The following IQSEC1 variants were observed in gnomAD, a reference collection of about 807,000 sequenced individuals.
IQSEC1 encodes the protein IQ motif and SEC7 domain-containing protein 1.
A neutral mutation model predicts 91.0 loss-of-function variants in IQSEC1; 31 were observed. The ratio of observed to expected loss-of-function variants is 0.34; its 90% confidence interval spans 0.26 to 0.46. IQSEC1 has a LOEUF of 0.46. Ranked by LOEUF, IQSEC1 falls within the 20% of genes least tolerant of loss-of-function variation. The pLI is 1.00. For synonymous variants in IQSEC1, 699 were observed against 662.6 expected (o/e 1.05, Z -0.84); for missense variants, 1,388 against 1,575.6 (o/e 0.88, Z 2.02).
intron 1 of IQSEC1, among the ~76,000 whole-genome samples, chr3:13,009,240 G>A (rs745957680): frequency 4.6e-5 from 7 of 152,188 alleles, no homozygotes; most frequent in South Asian, 2.1e-4. Flanking sequence ...CACACAGTGC[G>A]GTGACAGCCA....
intron 1 of IQSEC1, among the ~76,000 whole-genome samples, chr3:12,959,330 G>A (rs543077103): frequency 2.0e-5 from 3 of 152,308 alleles, no homozygotes; most frequent in African/African-American, 7.2e-5. Context: ...GAGACCCTGC[G>A]GAGCTTGAAG....
chr3:13,205,607 C>T (rs1694329472), intron 1 of IQSEC1, among the ~76,000 whole-genome samples: 1 of 150,760 alleles, frequency 6.6e-6, no homozygotes, highest in African/African-American at 2.4e-5. Context: ...TTTCTCCCTC[C>T]TTCCTGCCCT....
chr3:13,281,019 C>T (rs970965550), intron 1 of IQSEC1, among the ~76,000 whole-genome samples: 1 of 152,248 alleles, frequency 6.6e-6, no homozygotes, highest in East Asian at 1.9e-4. Context: ...TCAGCATCCT[C>T]CTGTCCCCTG....
chr3:12,902,101 G>GC (rs1204509560), intron 13 of IQSEC1, among the ~76,000 whole-genome samples: 4 of 152,176 alleles, frequency 2.6e-5, no homozygotes, highest in Non-Finnish European at 5.9e-5. Flanking sequence ...CACTACAGCT[G>GC]CCTACTACAA....
At chr3:12,925,299 G>A (rs1697019538) in intron 3 of IQSEC1, among the ~76,000 whole-genome samples, 1 of 152,324 alleles carries the variant, frequency 6.6e-6, no homozygotes, top group Non-Finnish European at 1.5e-5. Flanking sequence ...AGCACCGGCG[G>A]GGAGAAATCG....
At position 12,924,803 on chromosome 3, in the gene IQSEC1, AG is replaced by A; in HGVS notation, c.1569-62del. 6.8e-7 allele frequency: 1 copy of A among 1,469,356 alleles called. No homozygotes were observed. The highest frequency in any genetic ancestry group is 1.3e-5 in the South Asian group (1 of 75,434). The allele number at this position is 1,469,356 out of a possible 1,614,324, so 91.0% of individuals were successfully genotyped here. A position where few individuals can be genotyped will look rare whatever the true frequency, so the allele number is the denominator to read the frequency against. ...GCCCGGCCACCAGCCAGGCACCTGGAGGGGATCTCCGCTCAGTGGACGGTCG... is the reference window on the plus strand; with the variant it reads ...GCCCGGCCACCAGCCAGGCACCTGGAGGGATCTCCGCTCAGTGGACGGTCG... On this transcript the variant is annotated intron_variant, in intron 3 of 13. Transcript: ENST00000613206. The surrounding 1 kb of genome is among the most constrained non-coding windows in gnomAD (Gnocchi z 6.3).
At chr3:13,139,095 C>G (rs770778811) in intron 2 of IQSEC1, among the ~76,000 whole-genome samples, 1 of 152,112 alleles carries the variant, frequency 6.6e-6, no homozygotes, top group Non-Finnish European at 1.5e-5. Context: ...TCCCAAGCAC[C>G]CTCAGCTGAT....
chr3:13,042,875 A>T (rs374269010), intron 1 of IQSEC1, among the ~76,000 whole-genome samples: 2 of 152,258 alleles, frequency 1.3e-5, no homozygotes, highest in African/African-American at 4.8e-5. Flanking sequence ...GAGAGCAGGT[A>T]GGGAGGGGGC....
At chr3:13,022,929 C>T (rs1288063000) in intron 1 of IQSEC1, among the ~76,000 whole-genome samples, 2 of 152,230 alleles carry the variant, frequency 1.3e-5, no homozygotes, top group Non-Finnish European at 2.9e-5. Flanking sequence ...GCCTTAGTTT[C>T]ACCTCAGGCT....
At chr3:13,031,470 T>C (rs778139476) in intron 1 of IQSEC1, among the ~76,000 whole-genome samples, 28 of 152,170 alleles carry the variant, frequency 1.8e-4, no homozygotes, top group Non-Finnish European at 3.4e-4. Context: ...AGGTCCACAG[T>C]GGGGCAAGAC....
intron 1 of IQSEC1, among the ~76,000 whole-genome samples, chr3:13,267,649 G>C (rs897296255): frequency 2.2e-5 from 3 of 133,808 alleles, no homozygotes; most frequent in Admixed American, 8.5e-5. Context: ...ACAGAGTCTC[G>C]CTCTGTCGCC....
chr3:13,197,945 G>A (rs1694166212), intron 1 of IQSEC1, among the ~76,000 whole-genome samples: 3 of 152,222 alleles, frequency 2.0e-5, no homozygotes, highest in Non-Finnish European at 4.4e-5. Flanking sequence ...TGGTGCCCGC[G>A]GCTTGGATGT....
chr3:13,113,377 AG>A (rs753495403), intron 2 of IQSEC1, among the ~76,000 whole-genome samples: 6 of 152,230 alleles, frequency 3.9e-5, no homozygotes, highest in Non-Finnish European at 7.3e-5. Flanking sequence ...GATATTGGCC[AG>A]CCCCTTGACC....
chr3:13,090,053 A>C (rs1705811376), intron 2 of IQSEC1, among the ~76,000 whole-genome samples: 1 of 132,962 alleles, frequency 7.5e-6, no homozygotes, highest in Non-Finnish European at 1.7e-5. Flanking sequence ...GTCTCCACTA[A>C]AAAATACAAA....
At chr3:12,933,020 C>T (rs953394369) in intron 3 of IQSEC1, among the ~76,000 whole-genome samples, 17 of 152,354 alleles carry the variant, frequency 1.1e-4, no homozygotes, top group Non-Finnish European at 1.8e-4. Flanking sequence ...TTAAAGGGGG[C>T]GTCCCCCCAG....
At chr3:13,164,860 A>G (rs1351358513) in intron 1 of IQSEC1, among the ~76,000 whole-genome samples, 1 of 152,260 alleles carries the variant, frequency 6.6e-6, no homozygotes, top group Non-Finnish European at 1.5e-5. Flanking sequence ...AAACACATTC[A>G]GGAATCTAAT....
intron 2 of IQSEC1, among the ~76,000 whole-genome samples, chr3:13,121,626 G>A (rs1477040419): frequency 6.6e-6 from 1 of 152,234 alleles, no homozygotes; most frequent in Non-Finnish European, 1.5e-5. Flanking sequence ...GAAGGCATCT[G>A]CCAATGCCTC....
At chr3:13,248,792 G>C (rs1277494750) in intron 1 of IQSEC1, among the ~76,000 whole-genome samples, 1 of 152,242 alleles carries the variant, frequency 6.6e-6, no homozygotes, top group African/African-American at 2.4e-5. Context: ...AGTGCAGAGA[G>C]GTTGAGTAAC....
intron 1 of IQSEC1, among the ~76,000 whole-genome samples, chr3:13,244,493 G>T (rs568351350): frequency 6.6e-6 from 1 of 152,292 alleles, no homozygotes; most frequent in Non-Finnish European, 1.5e-5. Flanking sequence ...GCAAATAGTG[G>T]TGCTAAATAA....
Sources: allele counts gnomAD v4.1 joint callset (sites outside exome capture counted in the v4.1 genomes callset), GRCh38; gene constraint gnomAD v4.1.1; non-coding constraint Gnocchi (gnomAD v3.1); transcripts MANE v1.5; gene names NCBI Gene and HGNC (gene_info 2026-07-23, HGNC 2026-07-21).